Variants in C7orf78 observed in about 807,000 individuals in gnomAD.
C7orf78 encodes the protein putative uncharacterized protein C7orf78.
At chr7:12,538,843 G>A in the C7orf78 span, among the ~76,000 whole-genome samples, 1 of 152,060 alleles carries the variant, frequency 6.6e-6, no homozygotes, top group African/African-American at 2.4e-5. Context: ...ATAAGAAGTA[G>A]GCAGGATGCT....
the C7orf78 span, among the ~76,000 whole-genome samples, chr7:12,516,061 G>A: frequency 6.6e-6 from 1 of 152,180 alleles, no homozygotes; most frequent in Non-Finnish European, 1.5e-5. Context: ...CAAGAGAATG[G>A]GGAAAATGTC....
the C7orf78 span, chr7:12,507,007 A>G: frequency 6.6e-6 from 3 of 452,222 alleles, no homozygotes; most frequent in Non-Finnish European, 1.3e-5. Flanking sequence ...AAGGGCCAAA[A>G]AAAAGCTAGA....
the C7orf78 span, among the ~76,000 whole-genome samples, chr7:12,494,764 T>C: frequency 1.3e-5 from 2 of 152,310 alleles, no homozygotes; most frequent in East Asian, 1.9e-4. Context: ...AGAGCTCACC[T>C]TTGGCTGCCT....
At chr7:12,537,899 G>T in the C7orf78 span, among the ~76,000 whole-genome samples, 1 of 151,926 alleles carries the variant, frequency 6.6e-6, no homozygotes, top group Non-Finnish European at 1.5e-5. Context: ...CTCTATATAT[G>T]TACAATGTAT....
At chr7:12,524,223 A>G in the C7orf78 span, among the ~76,000 whole-genome samples, 1 of 152,336 alleles carries the variant, frequency 6.6e-6, no homozygotes, top group South Asian at 2.1e-4. Context: ...AATGTGGGTT[A>G]ATAATGCTAC....
the C7orf78 span, among the ~76,000 whole-genome samples, chr7:12,493,222 T>C: frequency 1.3e-5 from 2 of 152,226 alleles, no homozygotes; most frequent in South Asian, 2.1e-4. Flanking sequence ...ATCTATAAAA[T>C]CCTTATTGGC....
chr7:12,500,524 A>G, the C7orf78 span, among the ~76,000 whole-genome samples: 1 of 150,124 alleles, frequency 6.7e-6, no homozygotes, highest in Admixed American at 6.6e-5. Context: ...CCCAAGACTA[A>G]ACCAGGAAGA....
chr7:12,498,052 A>G, the C7orf78 span, among the ~76,000 whole-genome samples: 1 of 151,756 alleles, frequency 6.6e-6, no homozygotes, highest in Non-Finnish European at 1.5e-5. Flanking sequence ...ACTAACAAAC[A>G]GAAAGGACAT....
At chr7:12,514,436 A>G in the C7orf78 span, among the ~76,000 whole-genome samples, 1 of 151,818 alleles carries the variant, frequency 6.6e-6, no homozygotes, top group Non-Finnish European at 1.5e-5. Context: ...ATGTCTTTAC[A>G]GATAAGTTGA....
At chr7:12,519,222 T>C in the C7orf78 span, among the ~76,000 whole-genome samples, 2 of 152,094 alleles carry the variant, frequency 1.3e-5, no homozygotes, top group Admixed American at 6.5e-5. Context: ...AACAGCACCA[T>C]GCAGAAGTGA....
chr7:12,512,814 C>T, the C7orf78 span, among the ~76,000 whole-genome samples: 1 of 152,032 alleles, frequency 6.6e-6, no homozygotes, highest in African/African-American at 2.4e-5. Context: ...TTTGTATTTT[C>T]TTTGCTGAGA....
At chr7:12,514,187 CTTT>C in the C7orf78 span, among the ~76,000 whole-genome samples, 4 of 152,158 alleles carry the variant, frequency 2.6e-5, no homozygotes, top group Middle Eastern at 6.8e-3. Flanking sequence ...CTATGTCTCT[CTTT>C]AGATTTAGTA....
chr7:12,525,061 T>A, the C7orf78 span, among the ~76,000 whole-genome samples: 7 of 152,150 alleles, frequency 4.6e-5, no homozygotes, highest in Admixed American at 1.3e-4. Flanking sequence ...TGTATTCAAT[T>A]AAAGAGCGAA....
chr7:12,504,713 TAATA>T, the C7orf78 span, among the ~76,000 whole-genome samples: 1 of 152,116 alleles, frequency 6.6e-6, no homozygotes, highest in African/African-American at 2.4e-5. Flanking sequence ...ATCCATGATA[TAATA>T]AATAAATAAG....
the C7orf78 span, among the ~76,000 whole-genome samples, chr7:12,497,417 C>T: frequency 3.5e-4 from 53 of 152,322 alleles, no homozygotes; most frequent in African/African-American, 1.3e-3. Context: ...ACTCGGGAAG[C>T]GCAAGGGGTC....
At chr7:12,506,272 C>T in the C7orf78 span, among the ~76,000 whole-genome samples, 1,639 of 152,264 alleles carry the variant, frequency 0.011, 32 homozygotes, top group African/African-American at 0.037. Flanking sequence ...TACCATTTGA[C>T]CCAGTGATCC....
At chr7:12,507,584 G>C in the C7orf78 span, 2 of 153,674 alleles carry the variant, frequency 1.3e-5, no homozygotes, top group Non-Finnish European at 2.9e-5. Context: ...TATAAGCGTA[G>C]GTTTTGATGT....
chr7:12,521,605 T>C, the C7orf78 span, among the ~76,000 whole-genome samples: 1 of 151,426 alleles, frequency 6.6e-6, no homozygotes, highest in African/African-American at 2.4e-5. Context: ...TTTAGGTTTT[T>C]TATCATGTCA....
At chr7:12,519,184 C>T in the C7orf78 span, among the ~76,000 whole-genome samples, 1 of 152,122 alleles carries the variant, frequency 6.6e-6, no homozygotes, top group East Asian at 1.9e-4. Context: ...AGCTCTCAGA[C>T]TTATTTGCTC....
Sources: gnomAD v4.1 joint callset for allele counts (sites outside exome capture counted in the v4.1 genomes callset) on GRCh38, gnomAD v4.1.1 for gene constraint, MANE v1.5 for transcripts, NCBI Gene and HGNC (gene_info 2026-07-23, HGNC 2026-07-21) for gene names.